OSMR: variants seen among roughly 807,000 people sequenced by gnomAD.
OSMR encodes oncostatin M receptor.
Under a neutral mutation model 99.9 loss-of-function variants are expected in OSMR, and 81 were observed. The ratio of observed to expected loss-of-function variants is 0.81; its 90% CI spans 0.68 to 0.97. The LOEUF is 0.97. Among genes scored for constraint, OSMR ranks in the 50% least tolerant of loss-of-function variants. The probability of loss-of-function intolerance (pLI) is 0.00; values close to 1 mark genes in which losing one functional copy is unlikely to be tolerated. For missense variants in OSMR, 1,099 were observed against 1,153.4 expected (o/e 0.95, Z 0.68); for synonymous variants, 406 against 410.4 (o/e 0.99, Z 0.13).
At chr5:38,907,227 A>G (rs1457988767) in intron 9 of OSMR, among the ~76,000 whole-genome samples, 2 of 152,108 alleles carry the variant, frequency 1.3e-5, no homozygotes, top group African/African-American at 4.8e-5. Flanking sequence ...AAGCACCCAC[A>G]CTCGTTCTTG....
chr5:38,855,919 A>G (rs571900853), intron 1 of OSMR, among the ~76,000 whole-genome samples: 3 of 152,208 alleles, frequency 2.0e-5, no homozygotes, highest in African/African-American at 7.2e-5. Context: ...GCCTGTCTGC[A>G]TGCCCTCTAG....
At chr5:38,887,991 C>A (rs1468840333) in intron 7 of OSMR, among the ~76,000 whole-genome samples, 1 of 151,930 alleles carries the variant, frequency 6.6e-6, no homozygotes, top group African/African-American at 2.4e-5. Context: ...CACAGACACA[C>A]GTGGAGTGGT....
chr5:38,886,080 G>A lies in OSMR; in HGVS notation c.881G>A (p.Cys294Tyr), dbSNP rs747093824. ...EKKLCTHKNWCNWQITQDSQE... is the reference protein window; with the variant it reads ...EKKLCTHKNWYNWQITQDSQE... ...AAACTTTGTACACACAAAAACTGGT[G>A]TAATTGGCAAATAACTCAAGACTCA... The change falls in exon 7 of 18, where the codon TGT (cysteine) becomes TAT (tyrosine). Residue 294 changes from cysteine to tyrosine, a missense_variant. Coordinates refer to ENST00000274276, the MANE Select transcript of OSMR (RefSeq NM_003999.3). The A allele has an allele frequency of 1.2e-6, 2 of 1,613,620 alleles. No individual in the cohort carries two copies. The highest frequency in any genetic ancestry group is 2.2e-5 in the East Asian group (1 of 44,876).
intron 15 of OSMR, among the ~76,000 whole-genome samples, chr5:38,929,690 A>G (rs888203399): frequency 2.0e-5 from 3 of 152,214 alleles, no homozygotes; most frequent in Non-Finnish European, 4.4e-5. Context: ...CTTAGATGTG[A>G]GAGCCTTCAT....
rs549662147 is a variant in OSMR, at chr5:38,917,442, G to T, written c.1286-104G>T. The T allele has an allele frequency of 1.6e-4, 245 of 1,535,046 alleles. No individual in the cohort carries two copies. In the African/African-American group the frequency reaches 1.6e-3, roughly 10 times the overall value. On this transcript the variant is annotated intron_variant, in intron 9 of 17. Transcript: ENST00000274276. The stretch of plus-strand genomic sequence containing the variant: ...TGAAAACGGGAGAGGCAAGCCTCAG[G>T]TTGGACAGGTAATTGTCATGTCCTT...
At chr5:38,865,122 A>G (rs1561343665) in intron 1 of OSMR, among the ~76,000 whole-genome samples, 1 of 152,134 alleles carries the variant, frequency 6.6e-6, no homozygotes, top group South Asian at 2.1e-4. Context: ...CCTTTTAATG[A>G]TATCATTCAG....
intron 7 of OSMR, among the ~76,000 whole-genome samples, chr5:38,889,333 G>A (rs427262): frequency 0.69 from 105,353 of 151,820 alleles, 37,483 homozygotes; most frequent in African/African-American, 0.86. Flanking sequence ...AATATTTGTC[G>A]CTTTCTCTTG....
intron 7 of OSMR, 88 bp from the exon 8 acceptor site, chr5:38,903,794 A>G: frequency 6.5e-7 from 1 of 1,535,502 alleles, no homozygotes; most frequent in East Asian, 2.4e-5. Context: ...CTTGTTGAAC[A>G]AATAAATGAA....
Position 38,884,008 on chromosome 5 carries a change from G to T in OSMR, c.600G>T (p.Leu200Phe), listed in dbSNP as rs766153752. The T allele has an allele frequency of 1.2e-6, 2 of 1,613,520 alleles. No homozygotes were observed. The highest frequency in any genetic ancestry group is 1.7e-6 in the Non-Finnish European group (2 of 1,179,448). Residue 200 changes from leucine (L) to phenylalanine (F), a missense_variant, in exon 5 of 18, where the codon TTG becomes TTT. Leu to Phe is a conservative substitution (Grantham distance 22). Transcript: ENST00000274276. The stretch of plus-strand genomic sequence containing the variant: ...ATCCACATGTAACTGCATTCAACTT[G>T]AATAGTGTGCCTTTCATTAGGAATA... ...QLDPHVTAFN[L>F]NSVPFIRNKG...
chr5:38,899,758 A>G (rs1465173312), intron 7 of OSMR, among the ~76,000 whole-genome samples: 3 of 152,070 alleles, frequency 2.0e-5, no homozygotes, highest in Non-Finnish European at 2.9e-5. Context: ...GCCCTGTCCT[A>G]CTTTGGATAA....
intron 1 of OSMR, chr5:38,942,838 G>C (rs1747740563): frequency 6.2e-7 from 1 of 1,605,636 alleles, no homozygotes; most frequent in Non-Finnish European, 8.5e-7. Context: ...CTTACTTGTA[G>C]AAACTGTACA....
chr5:38,876,050 T>C (rs1461675033), intron 2 of OSMR, 151 bp from the exon 3 acceptor site: 3 of 1,096,048 alleles, frequency 2.7e-6, no homozygotes, highest in Non-Finnish European at 3.8e-6. Flanking sequence ...CTAAATTCTC[T>C]TCCAGATTTC....
At chr5:38,860,936 G>A (rs879905719) in intron 1 of OSMR, among the ~76,000 whole-genome samples, 2 of 152,130 alleles carry the variant, frequency 1.3e-5, no homozygotes, top group African/African-American at 4.8e-5. Context: ...GCCTCCCAAA[G>A]TGCTGGGATT....
At chr5:38,926,824 T>G (rs1235311092) in intron 15 of OSMR, among the ~76,000 whole-genome samples, 2 of 152,098 alleles carry the variant, frequency 1.3e-5, no homozygotes, top group Non-Finnish European at 2.9e-5. Context: ...AACCCAAAAG[T>G]CCAAGTCCAA....
chr5:38,900,139 CCT>C (rs1744799067), intron 7 of OSMR, among the ~76,000 whole-genome samples: 1 of 152,100 alleles, frequency 6.6e-6, no homozygotes, highest in Non-Finnish European at 1.5e-5. Context: ...CTGAATGCTC[CCT>C]CTGTAGGCGG....
chr5:38,910,181 C>A (rs1745483813), intron 9 of OSMR, among the ~76,000 whole-genome samples: 1 of 152,134 alleles, frequency 6.6e-6, no homozygotes, highest in Non-Finnish European at 1.5e-5. Context: ...CTTAACTATC[C>A]TAAATATATA....
intron 7 of OSMR, among the ~76,000 whole-genome samples, chr5:38,894,618 A>T (rs958016582): frequency 2.0e-5 from 3 of 152,152 alleles, no homozygotes; most frequent in Non-Finnish European, 4.4e-5. Flanking sequence ...ACATAATGAT[A>T]AAGGGCTCAA....
At chr5:38,869,891 C>G (rs911601872) in intron 2 of OSMR, among the ~76,000 whole-genome samples, 1 of 152,070 alleles carries the variant, frequency 6.6e-6, no homozygotes, top group African/African-American at 2.4e-5. Flanking sequence ...CTTTGCTGTA[C>G]TCCCCTTTTA....
intron 13 of OSMR, 27 bp downstream of exon 13, chr5:38,923,281 C>A: frequency 7.6e-7 from 1 of 1,317,974 alleles, no homozygotes; most frequent in Non-Finnish European, 1.1e-6. Context: ...TAATGTGCCC[C>A]ATGTGCAGAC....
Sources: gnomAD v4.1 joint callset for allele counts (sites outside exome capture counted in the v4.1 genomes callset) on GRCh38, gnomAD v4.1.1 for gene constraint, MANE v1.5 for transcripts, NCBI Gene and HGNC (gene_info 2026-07-23, HGNC 2026-07-21) for gene names.